The following ZAR1L variants were observed in gnomAD, a reference collection of about 807,000 sequenced individuals.
ZAR1L encodes the protein protein ZAR1-like.
In ZAR1L, 16 loss-of-function variants were observed where a neutral mutation model predicts 30.0. The observed-to-expected ratio is 0.53, with a 90% CI of 0.36 to 0.81. The LOEUF is 0.81. Ranked by LOEUF, ZAR1L falls within the 30% of genes least tolerant of loss-of-function variation. The pLI is 0.00. For missense variants in ZAR1L, 392 were observed against 417.2 expected (o/e 0.94, Z 0.53); for synonymous variants, 197 against 166.8 (o/e 1.18, Z -1.40).
intron 5 of ZAR1L, among the ~76,000 whole-genome samples, 183 bp downstream of exon 5, chr13:32,308,503 C>T (rs2072191694): frequency 6.6e-6 from 1 of 152,224 alleles, no homozygotes; most frequent in Non-Finnish European, 1.5e-5. Flanking sequence ...GAATCTTCCC[C>T]TCTTTCCCTT....
chr13:32,310,602 C>T (rs765037016), intron 4 of ZAR1L, 37 bp downstream of exon 4: 2 of 1,385,462 alleles, frequency 1.4e-6, no homozygotes, highest in Non-Finnish European at 2.0e-6. Flanking sequence ...TCCGTGCCCA[C>T]CCCATCCTCC....
intron 4 of ZAR1L, among the ~76,000 whole-genome samples, chr13:32,309,302 G>A (rs188473182): frequency 6.6e-6 from 1 of 151,964 alleles, no homozygotes; most frequent in African/African-American, 2.4e-5. Flanking sequence ...AGAATAATAC[G>A]ATTAATACTT....
intron 4 of ZAR1L, among the ~76,000 whole-genome samples, chr13:32,309,952 T>C (rs2072200904): frequency 6.6e-6 from 1 of 152,232 alleles, no homozygotes; most frequent in Non-Finnish European, 1.5e-5. Flanking sequence ...AGTAAGGCAA[T>C]TTCTAAACAT....
In ZAR1L at chr13:32,311,876, C is replaced by T; in HGVS notation, c.50G>A (p.Ser17Asn). 6.4e-7 allele frequency: 1 copy of T among 1,551,612 alleles called. No individual in the cohort carries two copies. The highest frequency in any genetic ancestry group is 8.7e-7 in the Non-Finnish European group (1 of 1,146,954). The change falls in exon 3 of 6, where the codon AGC (serine) becomes AAC (asparagine). Residue 17 changes from serine (S) to asparagine (N), a missense_variant. Ser to Asn is a conservative substitution (Grantham distance 46). Coordinates refer to ENST00000533490, the MANE Select transcript of ZAR1L (RefSeq NM_001136571.2). ...TCCAGGCTGGCCCAAAGGCACTGTG[C>T]TCCCATAACCCTGGTACAAGCCATA... ...VPYGLYQGYG[S>N]TVPLGQPGLS...
Position 32,303,942 on chromosome 13 carries a change from A to G in ZAR1L, c.903T>C (p.Cys301=). The G allele has an allele frequency of 6.4e-7, 1 of 1,551,952 alleles. No homozygotes were observed. Among genetic ancestry groups the G allele is most frequent in the Non-Finnish European group, 8.7e-7 (1 of 1,147,056 alleles). The stretch of plus-strand genomic sequence containing the variant: ...AGAATCTCTTGTCTTTGCAGCGACC[A>G]CACAGTTCCTGTCGATGAGGCCTCC... ...DLRRPHRQEL[C]GRCKDKRFSC... The change falls in exon 6 of 6, where the codon TGT becomes TGC. Residue 301 remains cysteine (C), a synonymous_variant. Coordinates refer to ENST00000533490, the MANE Select transcript of ZAR1L (RefSeq NM_001136571.2).
chr13:32,306,371 G>A (rs909071935), intron 5 of ZAR1L, among the ~76,000 whole-genome samples: 8 of 152,150 alleles, frequency 5.3e-5, no homozygotes, highest in Non-Finnish European at 8.8e-5. Flanking sequence ...AAATCTTTAA[G>A]CTGCAGTTTC....
chr13:32,309,437 G>T (rs1164481381), intron 4 of ZAR1L, among the ~76,000 whole-genome samples: 1 of 152,094 alleles, frequency 6.6e-6, no homozygotes, highest in Admixed American at 6.5e-5. Flanking sequence ...TCATTTTTCA[G>T]TATTTCCCGG....
intron 3 of ZAR1L, 63 bp from the exon 4 acceptor site, chr13:32,310,794 T>G: frequency 9.4e-7 from 1 of 1,061,794 alleles, no homozygotes; most frequent in Non-Finnish European, 1.4e-6. Context: ...GATCCTTCTT[T>G]ATGACTTTGT....
At chr13:32,309,141 C>CCA (rs2072196234) in intron 4 of ZAR1L, among the ~76,000 whole-genome samples, 1 of 151,926 alleles carries the variant, frequency 6.6e-6, no homozygotes, top group African/African-American at 2.4e-5. Context: ...CAGGTGCCCG[C>CCA]CACCACACCC....
Position 32,311,385 on chromosome 13 carries a change from G to T in ZAR1L, c.541C>A (p.Pro181Thr), listed in dbSNP as rs2072211219. Residue 181 changes from proline (P) to threonine (T), a missense_variant, in exon 3 of 6, where the codon CCC becomes ACC. Physicochemically the swap from Pro to Thr is conservative, Grantham distance 38. Transcript: ENST00000533490. The part of the protein sequence containing the change: ...RRSGADRQEE[P>T]GQLEESGEKD... ...TCCCCCGATTCCTCCAGCTGCCCGG[G>T]CTCCTCCTGCCTGTCAGCTCCTGAC... is the stretch of plus-strand genomic sequence containing the variant. The T allele has an allele frequency of 1.3e-6, 2 of 1,550,642 alleles. No homozygotes were observed. Among genetic ancestry groups the T allele is most frequent in the Non-Finnish European group, 1.7e-6 (2 of 1,146,954 alleles).
At chr13:32,310,219 AG>A (rs1566210901) in intron 4 of ZAR1L, among the ~76,000 whole-genome samples, 1 of 152,282 alleles carries the variant, frequency 6.6e-6, no homozygotes, top group Non-Finnish European at 1.5e-5. Context: ...AGGGGGCAAA[AG>A]AAACTTTAGG....
At chr13:32,304,627 G>A (rs1207300719) in intron 5 of ZAR1L, among the ~76,000 whole-genome samples, 4 of 151,928 alleles carry the variant, frequency 2.6e-5, no homozygotes, top group Admixed American at 6.6e-5. Context: ...TCTTCTTTTC[G>A]ATGTGCCCAA....
intron 1 of ZAR1L, among the ~76,000 whole-genome samples, chr13:32,314,797 A>G (rs1269912573): frequency 2.0e-5 from 3 of 152,126 alleles, no homozygotes; most frequent in Non-Finnish European, 4.4e-5. Context: ...AGTTGCGGTG[A>G]GCGGAGATTG....
intron 5 of ZAR1L, among the ~76,000 whole-genome samples, chr13:32,306,821 C>A (rs2072178913): frequency 6.7e-6 from 1 of 150,124 alleles, no homozygotes; most frequent in South Asian, 2.1e-4. Flanking sequence ...ATCCCAGCTA[C>A]TAGGGAGGCT....
chr13:32,312,073 T>A lies in ZAR1L; in HGVS notation c.-148A>T. 1.1e-6 allele frequency: 1 copy of A among 939,640 alleles called. No individual in the cohort carries two copies. Among genetic ancestry groups the A allele is most frequent in the Non-Finnish European group, 1.5e-6 (1 of 649,926 alleles). 58.2% of individuals were successfully genotyped at this position (939,640 alleles called of 1,614,324 possible). On this transcript the variant is annotated 5_prime_UTR_variant, in exon 3 of 6. Coordinates refer to ENST00000533490, the MANE Select transcript of ZAR1L (RefSeq NM_001136571.2). ...CTTCTCCATTTATTTCAGATTCTAA[T>A]GGGAGCTGCTGCTTATTACCCTGAT...
At chr13:32,308,841 C>T in intron 4 of ZAR1L, 81 bp from the exon 5 acceptor site, 1 of 937,408 alleles carries the variant, frequency 1.1e-6, no homozygotes, top group Non-Finnish European at 1.6e-6. Context: ...CTTAAGTAAT[C>T]CATTGCATCT....
Position 32,311,943 on chromosome 13 carries a change from G to A in ZAR1L, c.-18C>T. The A allele has an allele frequency of 6.5e-7, 1 of 1,532,732 alleles. No individual in the cohort carries two copies. The highest frequency in any genetic ancestry group is 1.2e-5 in the South Asian group (1 of 80,940). The allele number at this position is 1,532,732 out of a possible 1,614,324, so 94.9% of individuals were successfully genotyped here. A position where few individuals can be genotyped will look rare whatever the true frequency, so the allele number is the denominator to read the frequency against. ...CGCTCCATCCGCTCTCAGGTGCTCA[G>A]GCGCAGTCTAATATCCTAGCCAGTT... On this transcript the variant is annotated 5_prime_UTR_variant, in exon 3 of 6. Transcript: ENST00000533490.
At chr13:32,304,328 T>C (rs898644877) in intron 5 of ZAR1L, among the ~76,000 whole-genome samples, 1 of 152,246 alleles carries the variant, frequency 6.6e-6, no homozygotes, top group African/African-American at 2.4e-5. Flanking sequence ...TTTACATTTG[T>C]AGCTGAACCA....
chr13:32,311,520 C>A lies in ZAR1L; in HGVS notation c.406G>T (p.Ala136Ser). The change falls in exon 3 of 6, where the codon GCC (alanine) becomes TCC (serine). Residue 136 changes from alanine to serine, a missense_variant. Physicochemically the swap from Ala to Ser is moderately conservative, Grantham distance 99. Transcript: ENST00000533490. ...CGGATCAAGCCCCTGCGGCCGGTGG[C>A]GGGCGAAGTGACCCCACAGGCTGGC... ...PLPACGVTSP[A>S]TGRRGLIRLR... 6.5e-7 allele frequency: 1 copy of A among 1,535,736 alleles called. No homozygotes were observed. The highest frequency in any genetic ancestry group is 8.8e-7 in the Non-Finnish European group (1 of 1,140,410).
Sources: gnomAD v4.1 joint callset for allele counts (sites outside exome capture counted in the v4.1 genomes callset) on GRCh38, gnomAD v4.1.1 for gene constraint, MANE v1.5 for transcripts, NCBI Gene and HGNC (gene_info 2026-07-23, HGNC 2026-07-21) for gene names.